Variants in NRXN3 observed in about 807,000 individuals in gnomAD.
NRXN3 encodes the protein neurexin 3.
In NRXN3, 32 loss-of-function variants were observed where a neutral mutation model predicts 137.6. The ratio of observed to expected loss-of-function variants is 0.23; its 90% CI spans 0.18 to 0.31. The LOEUF is 0.31. Among genes scored for constraint, NRXN3 ranks in the 10% least tolerant of loss-of-function variants. The pLI, the probability that NRXN3 is intolerant of heterozygous loss-of-function variation, is 1.00. For missense variants in NRXN3, 1,574 were observed against 2,062.5 expected, an observed-to-expected ratio of 0.76 and a Z score of 4.59; for synonymous variants, 798 against 784.5, an observed-to-expected ratio of 1.02 and a Z score of -0.29.
At chr14:78,505,904 C>A (rs898484215) in intron 4 of NRXN3, among the ~76,000 whole-genome samples, 6 of 152,064 alleles carry the variant, frequency 3.9e-5, no homozygotes, top group Admixed American at 6.6e-5. Flanking sequence ...ATGCAAACAT[C>A]GATGATGCCT....
At chr14:78,384,753 T>C (rs761140194) in intron 4 of NRXN3, among the ~76,000 whole-genome samples, 5 of 152,166 alleles carry the variant, frequency 3.3e-5, no homozygotes, top group Non-Finnish European at 5.9e-5. Flanking sequence ...CAGGATTCCA[T>C]GGAGCACAAT....
intron 15 of NRXN3, among the ~76,000 whole-genome samples, chr14:79,102,263 C>T (rs572581847): frequency 2.6e-5 from 4 of 152,250 alleles, no homozygotes; most frequent in Non-Finnish European, 5.9e-5. Flanking sequence ...ACCTAATTCC[C>T]CTCTGTTGAG....
At position 79,070,930 on chromosome 14, in the gene NRXN3, C is replaced by T. The variant is rs370582059; in HGVS notation, c.3262+82789C>T. 2.9e-4 allele frequency among the ~76,000 whole-genome samples: 44 copies of T among 152,204 alleles called. 1 individual carries two copies. Among genetic ancestry groups the T allele is most frequent in the African/African-American group, 9.4e-4 (39 of 41,530 alleles). On this transcript the variant is annotated intron_variant, in intron 15 of 20. Coordinates refer to ENST00000335750, the MANE Select transcript of NRXN3 (RefSeq NM_001330195.2). The stretch of plus-strand genomic sequence containing the variant: ...GATGGAGCAAACATGTAGTTTGGGT[C>T]GCAGTTTAACGATGTAGCCGTAGTG...
At chr14:79,792,438 C>G (rs1289641118) in intron 19 of NRXN3, among the ~76,000 whole-genome samples, 1 of 152,166 alleles carries the variant, frequency 6.6e-6, no homozygotes, top group Non-Finnish European at 1.5e-5. Context: ...TAAAGCTACT[C>G]TGCTGTATTT....
intron 1 of NRXN3, among the ~76,000 whole-genome samples, chr14:78,212,712 A>T (rs896119204): frequency 6.6e-6 from 1 of 152,176 alleles, no homozygotes; most frequent in Non-Finnish European, 1.5e-5. Context: ...TTTTAAGAAG[A>T]TACACTGTGC....
chr14:78,837,705 C>T (rs2099000961), intron 10 of NRXN3, among the ~76,000 whole-genome samples: 1 of 152,106 alleles, frequency 6.6e-6, no homozygotes, highest in Admixed American at 6.5e-5. Context: ...TTTGACTGTT[C>T]CCCTCCACAA....
chr14:78,454,887 A>G (rs2094647876), intron 4 of NRXN3, among the ~76,000 whole-genome samples: 1 of 152,224 alleles, frequency 6.6e-6, no homozygotes, highest in Admixed American at 6.5e-5. Context: ...AAAGCGGAGC[A>G]AGGACTGGGT....
chr14:79,433,033 C>A (rs17109199), intron 15 of NRXN3, among the ~76,000 whole-genome samples: 2 of 152,070 alleles, frequency 1.3e-5, no homozygotes, highest in African/African-American at 4.8e-5. Flanking sequence ...TGGTTTTCCC[C>A]GGCACCTAAC....
intron 16 of NRXN3, among the ~76,000 whole-genome samples, chr14:79,512,735 G>A (rs1419044387): frequency 3.3e-5 from 5 of 152,168 alleles, no homozygotes; most frequent in Non-Finnish European, 7.3e-5. Flanking sequence ...ATGTTTATAT[G>A]TGTCGTCCCC....
chr14:79,042,926 A>G (rs1160684837), intron 15 of NRXN3, among the ~76,000 whole-genome samples: 1 of 151,930 alleles, frequency 6.6e-6, no homozygotes, highest in African/African-American at 2.4e-5. Flanking sequence ...CTTAATTATC[A>G]CTGCAGTAGA....
rs368302972 is a variant in NRXN3 at position 79,242,068 on chromosome 14, GA to G, written c.3263-225142del. On this transcript the variant is annotated intron_variant, in intron 15 of 20. Transcript: ENST00000335750. ...GGTGACAGAGCCAGACTCCATCTCA[GA>G]AAAAAAAAAATTAAATGCTCAAAAC... Among the ~76,000 whole-genome samples the G allele has an allele frequency of 8.3e-3, 1,223 of 147,242 alleles. 20 individuals are homozygous for G. Among genetic ancestry groups the G allele is most frequent in the African/African-American group, 0.029 (1,162 of 39,832 alleles).
At chr14:79,798,791 A>ATCACAGC (rs1164709907) in intron 19 of NRXN3, among the ~76,000 whole-genome samples, 2 of 152,216 alleles carry the variant, frequency 1.3e-5, no homozygotes, top group Non-Finnish European at 2.9e-5. Context: ...AGCAGTTCTG[A>ATCACAGC]TCACAGCTCA....
Position 79,567,666 on chromosome 14 carries a change from T to G in NRXN3, c.3445-96112T>G, listed in dbSNP as rs541689399. Among the ~76,000 whole-genome samples, 12 of 152,240 alleles carry G rather than the reference T, an allele frequency of 7.9e-5. No homozygotes were observed. In the East Asian group the frequency reaches 2.3e-3, roughly 29 times the overall value. ...ACGTTCGGCATGATTTGCTTTTCAT[T>G]TGGTTATTTGATAATTATTATTTTC... On this transcript the variant is annotated intron_variant, in intron 16 of 20. Coordinates refer to ENST00000335750, the MANE Select transcript of NRXN3 (RefSeq NM_001330195.2).
chr14:79,836,516 G>C (rs369261033), intron 20 of NRXN3, among the ~76,000 whole-genome samples: 1 of 151,994 alleles, frequency 6.6e-6, no homozygotes, highest in Admixed American at 6.6e-5. Context: ...GTGGTGATCC[G>C]AACTATGCTT....
chr14:78,904,265 G>A lies in NRXN3; in HGVS notation c.2276-52977G>A, dbSNP rs2152753359. Among the ~76,000 whole-genome samples, 2 of 152,062 alleles carry A rather than the reference G, an allele frequency of 1.3e-5. 1 individual carries two copies. The highest frequency in any genetic ancestry group is 4.2e-4 in the South Asian group (2 of 4,814). On this transcript the variant is annotated intron_variant, in intron 10 of 20. Coordinates refer to ENST00000335750, the MANE Select transcript of NRXN3 (RefSeq NM_001330195.2). The stretch of plus-strand genomic sequence containing the variant: ...AGACATCATTTTGATTGTCACAACT[G>A]GGAGAGAGGGTGTTGCTGGCATCTA...
At chr14:79,617,930 A>AAAAAAAAAAAAAGAAAAG (rs1385000688) in intron 16 of NRXN3, among the ~76,000 whole-genome samples, 1 of 148,734 alleles carries the variant, frequency 6.7e-6, no homozygotes, top group African/African-American at 2.6e-5. Flanking sequence ...AAAAAAAAAA[A>AAAAAAAAAAAAAGAAAAG]AACATGCTTA....
intron 10 of NRXN3, among the ~76,000 whole-genome samples, chr14:78,856,933 A>C (rs933926484): frequency 2.0e-5 from 3 of 152,158 alleles, no homozygotes; most frequent in Non-Finnish European, 2.9e-5. Flanking sequence ...TGGTTTCACC[A>C]TGTTGGCCAG....
In NRXN3 at chr14:79,122,126, C is replaced by T. The variant is rs140811786; in HGVS notation, c.3262+133985C>T. Among the ~76,000 whole-genome samples, 126 of 152,222 alleles carry T rather than the reference C, an allele frequency of 8.3e-4. 1 individual carries two copies. Among genetic ancestry groups the T allele is most frequent in the African/African-American group, 1.9e-3 (78 of 41,534 alleles). On this transcript the variant is annotated intron_variant, in intron 15 of 20. Coordinates refer to ENST00000335750, the MANE Select transcript of NRXN3 (RefSeq NM_001330195.2). The stretch of plus-strand genomic sequence containing the variant: ...TGTACTGGTGAAGAAGTTTTGACCA[C>T]GAATAGCTGACAAATATGTGCAGGT...
At position 78,497,265 on chromosome 14, in the gene NRXN3, T is replaced by C. The variant is rs143119131; in HGVS notation, c.758-147855T>C. Among the ~76,000 whole-genome samples, 1,160 of 152,272 alleles carry C rather than the reference T, an allele frequency of 7.6e-3. 9 individuals are homozygous for C. Among genetic ancestry groups the C allele is most frequent in the Middle Eastern group, 0.017 (5 of 294 alleles). On this transcript the variant is annotated intron_variant, in intron 4 of 20. Transcript: ENST00000335750. ...CATAAGTTTTGATTAACTTTGTCAT[T>C]ATTTCAAGCCAATATAGCCACAAAC...
Sources: allele counts gnomAD v4.1 joint callset (sites outside exome capture counted in the v4.1 genomes callset), GRCh38; gene constraint gnomAD v4.1.1; transcripts MANE v1.5; gene names NCBI Gene and HGNC (gene_info 2026-07-23, HGNC 2026-07-21).